Variants in GSK3B observed in about 807,000 individuals in gnomAD.
The protein encoded by GSK3B is glycogen synthase kinase 3 beta.
In GSK3B, 15 loss-of-function variants were observed where a neutral mutation model predicts 56.4. The observed-to-expected ratio is 0.27, with a 90% confidence interval of 0.18 to 0.41. The LOEUF (loss-of-function observed/expected upper bound fraction) is 0.41. Among genes scored for constraint, GSK3B ranks in the 10% least tolerant of loss-of-function variants. GSK3B has a pLI of 1.00. For synonymous variants in GSK3B, 181 were observed against 188.9 expected, an observed-to-expected ratio of 0.96 and a Z score of 0.34; for missense variants, 300 against 513.4, an observed-to-expected ratio of 0.58 and a Z score of 4.02.
At chr3:119,967,250 G>A (rs2057325928) in intron 2 of GSK3B, among the ~76,000 whole-genome samples, 2 of 152,220 alleles carry the variant, frequency 1.3e-5, no homozygotes, top group South Asian at 4.1e-4. Flanking sequence ...GCTAATTTCT[G>A]TATTTTTAGT....
At chr3:120,005,843 C>A (rs541543156) in intron 1 of GSK3B, among the ~76,000 whole-genome samples, 1 of 152,124 alleles carries the variant, frequency 6.6e-6, no homozygotes, top group Non-Finnish European at 1.5e-5. Context: ...TAAAGACCAT[C>A]GATGCTAAGA....
intron 1 of GSK3B, among the ~76,000 whole-genome samples, chr3:120,082,518 C>T (rs2058429395): frequency 6.6e-6 from 1 of 150,496 alleles, no homozygotes; most frequent in Non-Finnish European, 1.5e-5. Context: ...GCCTCAGCCT[C>T]CCAAGTAGCT....
chr3:120,042,859 T>C (rs1425788973), intron 1 of GSK3B, among the ~76,000 whole-genome samples: 1 of 152,224 alleles, frequency 6.6e-6, no homozygotes, highest in Non-Finnish European at 1.5e-5. Flanking sequence ...TCAGTTGCCA[T>C]GGACCAAATG....
At chr3:120,006,954 C>CAA (rs1228404268) in intron 1 of GSK3B, among the ~76,000 whole-genome samples, 7 of 139,920 alleles carry the variant, frequency 5.0e-5, no homozygotes, top group African/African-American at 1.8e-4. Flanking sequence ...AAAAAACCTT[C>CAA]AAAAAAAAAA....
intron 5 of GSK3B, among the ~76,000 whole-genome samples, chr3:119,913,558 A>C (rs1362228645): frequency 6.6e-6 from 1 of 152,106 alleles, no homozygotes; most frequent in Admixed American, 6.6e-5. Context: ...AGACAGAATA[A>C]AATAAACTGC....
At chr3:119,890,182 A>G (rs1361720660) in intron 7 of GSK3B, among the ~76,000 whole-genome samples, 1 of 152,088 alleles carries the variant, frequency 6.6e-6, no homozygotes, top group Non-Finnish European at 1.5e-5. Context: ...ACACCTGTAA[A>G]CAAACATTCA....
chr3:120,009,725 A>T (rs1021237925), intron 1 of GSK3B, among the ~76,000 whole-genome samples: 6 of 152,132 alleles, frequency 3.9e-5, no homozygotes, highest in South Asian at 2.1e-4. Context: ...ACATTAGGAG[A>T]AATACCTAAT....
chr3:119,878,904 A>G (rs567245412), intron 7 of GSK3B, among the ~76,000 whole-genome samples: 18 of 152,350 alleles, frequency 1.2e-4, no homozygotes, highest in African/African-American at 4.3e-4. Context: ...CAGAAGATCT[A>G]TAGTTTTGAG....
At chr3:119,884,839 A>G (rs144015003) in intron 7 of GSK3B, among the ~76,000 whole-genome samples, 232 of 152,186 alleles carry the variant, frequency 1.5e-3, no homozygotes, top group Middle Eastern at 3.4e-3. Flanking sequence ...AATAAAATCT[A>G]CCCCTATCAT....
intron 2 of GSK3B, among the ~76,000 whole-genome samples, chr3:119,974,273 T>G (rs988898164): frequency 6.6e-6 from 1 of 152,062 alleles, no homozygotes; most frequent in African/African-American, 2.4e-5. Flanking sequence ...ACAACTCAAT[T>G]AAAATTGGAC....
At chr3:119,981,612 C>T (rs951880666) in intron 2 of GSK3B, among the ~76,000 whole-genome samples, 4 of 152,216 alleles carry the variant, frequency 2.6e-5, no homozygotes, top group East Asian at 1.9e-4. Context: ...AGTCTGAGAT[C>T]GATCTGTCAG....
intron 1 of GSK3B, among the ~76,000 whole-genome samples, chr3:120,033,445 C>T (rs978366146): frequency 1.3e-5 from 2 of 152,184 alleles, no homozygotes; most frequent in Non-Finnish European, 2.9e-5. Context: ...CAGCAGTGTA[C>T]GAGGGTTCCA....
intron 1 of GSK3B, among the ~76,000 whole-genome samples, chr3:120,034,406 G>A (rs1271460123): frequency 6.6e-6 from 1 of 152,088 alleles, no homozygotes; most frequent in East Asian, 1.9e-4. Flanking sequence ...TTTGTAGATG[G>A]TATGAGGTAG....
At chr3:120,080,004 T>C (rs137999679) in intron 1 of GSK3B, among the ~76,000 whole-genome samples, 15 of 152,254 alleles carry the variant, frequency 9.9e-5, no homozygotes, top group South Asian at 4.1e-4. Context: ...ATTTAAGAAT[T>C]TGTATTATGG....
intron 1 of GSK3B, among the ~76,000 whole-genome samples, chr3:120,008,253 AT>A (rs2057746604): frequency 6.6e-6 from 1 of 152,268 alleles, no homozygotes; most frequent in South Asian, 2.1e-4. Flanking sequence ...ATGGAAAAAC[AT>A]TCCATGCTCA....
intron 7 of GSK3B, among the ~76,000 whole-genome samples, chr3:119,880,765 G>A (rs952563095): frequency 6.6e-6 from 1 of 152,080 alleles, no homozygotes; most frequent in African/African-American, 2.4e-5. Flanking sequence ...ATTGTTCTGG[G>A]GATATGTGCA....
intron 9 of GSK3B, among the ~76,000 whole-genome samples, chr3:119,859,356 ATGCAC>A (rs531684543): frequency 9.9e-5 from 15 of 152,210 alleles, no homozygotes; most frequent in Non-Finnish European, 1.9e-4. Flanking sequence ...AGATAAATAG[ATGCAC>A]TGACCTTATT....
intron 2 of GSK3B, among the ~76,000 whole-genome samples, chr3:119,982,661 A>G (rs2057475193): frequency 1.3e-5 from 2 of 152,218 alleles, no homozygotes; most frequent in Non-Finnish European, 2.9e-5. Flanking sequence ...GGTTAGAGAA[A>G]AAAGACTGAA....
intron 2 of GSK3B, among the ~76,000 whole-genome samples, chr3:119,998,864 T>C (rs1050103045): frequency 2.1e-4 from 32 of 152,068 alleles, no homozygotes; most frequent in African/African-American, 7.5e-4. Flanking sequence ...AACATAAAAA[T>C]ACTCCTAATA....
Sources: allele counts gnomAD v4.1 joint callset (sites outside exome capture counted in the v4.1 genomes callset), GRCh38; gene constraint gnomAD v4.1.1; transcripts MANE v1.5; gene names NCBI Gene and HGNC (gene_info 2026-07-23, HGNC 2026-07-21).